Variants in TRAPPC9 observed in about 807,000 individuals in gnomAD.
TRAPPC9 encodes trafficking protein particle complex subunit 9.
A neutral mutation model predicts 124.0 loss-of-function variants in TRAPPC9; 83 were observed. That is an observed-to-expected ratio of 0.67 (90% CI 0.56 to 0.80). The LOEUF is 0.80. Among genes scored for constraint, TRAPPC9 ranks in the 30% least tolerant of loss-of-function variants. TRAPPC9 has a pLI of 0.00. For missense variants in TRAPPC9, 1,302 were observed against 1,508.3 expected (o/e 0.86, Z 2.27); for synonymous variants, 638 against 617.5 (o/e 1.03, Z -0.49).
intron 21 of TRAPPC9, among the ~76,000 whole-genome samples, chr8:139,809,471 G>A (rs1824287278): frequency 6.6e-6 from 1 of 152,246 alleles, no homozygotes. Flanking sequence ...AAATCACTGA[G>A]TGTGGATACG....
chr8:140,115,653 G>A (rs1445661632), intron 17 of TRAPPC9, among the ~76,000 whole-genome samples: 1 of 151,960 alleles, frequency 6.6e-6, no homozygotes, highest in African/African-American at 2.4e-5. Flanking sequence ...ATGTGGAACC[G>A]GCAGATGCAG....
At position 139,805,304 on chromosome 8, in the gene TRAPPC9, C is replaced by A. The variant is rs112066944; in HGVS notation, c.3056-73102G>T. On this transcript the variant is annotated intron_variant, in intron 21 of 22. Coordinates refer to ENST00000438773, the MANE Select transcript of TRAPPC9 (RefSeq NM_001160372.4). ...CCTCCTGCCTGGAAGTCTGAAAACT[C>A]CAGGCCATGCACAGGCATCCAGAGT... Among the ~76,000 whole-genome samples, 344 of 152,288 alleles carry A rather than the reference C, an allele frequency of 2.3e-3. 2 individuals are homozygous for A. Among genetic ancestry groups the A allele is most frequent in the African/African-American group, 7.6e-3 (314 of 41,564 alleles).
intron 15 of TRAPPC9, among the ~76,000 whole-genome samples, chr8:140,264,576 G>A (rs1212868419): frequency 1.4e-5 from 2 of 143,918 alleles, no homozygotes; most frequent in South Asian, 2.3e-4. Context: ...ACGGGGCGGG[G>A]GAAAGAAGAG....
rs534788136 is a variant in TRAPPC9 at position 139,850,939 on chromosome 8, A to G, written c.3055+34940T>C. The stretch of plus-strand genomic sequence containing the variant: ...GATGAGTAAGATATCCTCCATGCTC[A>G]AAAGAACTCTGTCTAAAAGAGATCA... On this transcript the variant is annotated intron_variant, in intron 21 of 22. Coordinates refer to ENST00000438773, the MANE Select transcript of TRAPPC9 (RefSeq NM_001160372.4). Among the ~76,000 whole-genome samples the G allele has an allele frequency of 2.0e-5, 3 of 152,332 alleles. No individual in the cohort carries two copies. In the South Asian group the frequency reaches 6.2e-4, roughly 32 times the overall value.
At position 140,056,026 on chromosome 8, in the gene TRAPPC9, G is replaced by A. The variant is rs79198337; in HGVS notation, c.2557-31947C>T. On this transcript the variant is annotated intron_variant, in intron 17 of 22. Transcript: ENST00000438773. The stretch of plus-strand genomic sequence containing the variant: ...TTCATATGGAACCATTATGAACCCA[G>A]AACAGCCAAAACCATCTTGAAAAAC... Among the ~76,000 whole-genome samples, 137 of 152,014 alleles carry A rather than the reference G, an allele frequency of 9.0e-4. 1 individual carries two copies. The highest frequency in any genetic ancestry group is 3.4e-3 in the Middle Eastern group (1 of 294).
At chr8:140,395,428 G>A (rs754689615) in intron 7 of TRAPPC9, among the ~76,000 whole-genome samples, 2 of 152,092 alleles carry the variant, frequency 1.3e-5, no homozygotes, top group African/African-American at 4.8e-5. Context: ...TAAACATCTC[G>A]TCAAGGGAAG....
At chr8:140,140,215 C>A (rs1276957515) in intron 17 of TRAPPC9, among the ~76,000 whole-genome samples, 1 of 152,172 alleles carries the variant, frequency 6.6e-6, no homozygotes, top group Non-Finnish European at 1.5e-5. Context: ...GCGGCTCTCT[C>A]CTTTGTCTTA....
In TRAPPC9 at chr8:140,104,218, C is replaced by T. The variant is rs903869001; in HGVS notation, c.2557-80139G>A. 9.9e-5 allele frequency among the ~76,000 whole-genome samples: 15 copies of T among 152,102 alleles called. No homozygotes were observed. The highest frequency in any genetic ancestry group is 3.3e-4 in the Admixed American group (5 of 15,274). On this transcript the variant is annotated intron_variant, in intron 17 of 22. Coordinates refer to ENST00000438773, the MANE Select transcript of TRAPPC9 (RefSeq NM_001160372.4). The surrounding 1 kb of genome is among the most constrained non-coding windows in gnomAD (Gnocchi z 4.0). ...GTGCTACACTGTATGCCAGGGCTGT[C>T]GGCTGTAAGCATAGAGCTATGGAGC... is the stretch of plus-strand genomic sequence containing the variant.
chr8:139,972,683 G>C (rs1836179538), intron 19 of TRAPPC9, among the ~76,000 whole-genome samples: 1 of 152,218 alleles, frequency 6.6e-6, no homozygotes, highest in Admixed American at 6.5e-5. Context: ...TGTGGCCAAA[G>C]TATGTTTTAT....
At chr8:139,983,430 T>C (rs996816691) in intron 19 of TRAPPC9, among the ~76,000 whole-genome samples, 1 of 151,184 alleles carries the variant, frequency 6.6e-6, no homozygotes, top group African/African-American at 2.4e-5. Flanking sequence ...CCCCCAGTCC[T>C]AGGCCCCCCT....
At chr8:140,310,081 T>C (rs761740753) in intron 10 of TRAPPC9, among the ~76,000 whole-genome samples, 1 of 152,256 alleles carries the variant, frequency 6.6e-6, no homozygotes, top group African/African-American at 2.4e-5. Flanking sequence ...TTGGCAGTAC[T>C]ATACTTGCCT....
At chr8:140,172,563 G>A (rs1263743745) in intron 17 of TRAPPC9, among the ~76,000 whole-genome samples, 1 of 152,028 alleles carries the variant, frequency 6.6e-6, no homozygotes, top group Non-Finnish European at 1.5e-5. Context: ...ACTACCTCTG[G>A]AGTTTACAAT....
chr8:139,909,938 G>C (rs557039424), intron 20 of TRAPPC9, among the ~76,000 whole-genome samples: 3 of 152,118 alleles, frequency 2.0e-5, no homozygotes, highest in African/African-American at 7.2e-5. Flanking sequence ...ACCTTTCCTC[G>C]CCCCCAATCA....
rs1825527882 is a variant in TRAPPC9, at chr8:139,825,050, A to G, written c.3055+60829T>C. Among the ~76,000 whole-genome samples, 1 of 152,142 alleles carries G rather than the reference A, an allele frequency of 6.6e-6. No homozygotes were observed. Among genetic ancestry groups the G allele is most frequent in the Admixed American group, 6.5e-5 (1 of 15,280 alleles). On this transcript the variant is annotated intron_variant, in intron 21 of 22. Coordinates refer to ENST00000438773, the MANE Select transcript of TRAPPC9 (RefSeq NM_001160372.4). The surrounding 1 kb of genome is among the most constrained non-coding windows in gnomAD (Gnocchi z 4.6). ...TCACAGAGCGCCAAAAGGACCTCTC[A>G]TTCCACAGAGAACACTCAGGGGTGG...
chr8:140,443,158 A>T (rs1441546933), intron 2 of TRAPPC9, among the ~76,000 whole-genome samples: 1 of 129,842 alleles, frequency 7.7e-6, no homozygotes, highest in Non-Finnish European at 1.6e-5. Context: ...AAAAAAAGCC[A>T]GGCGCGGTGG....
chr8:140,397,598 T>C (rs916488945), intron 7 of TRAPPC9, 22 bp downstream of exon 7: 4 of 1,613,546 alleles, frequency 2.5e-6, no homozygotes, highest in Non-Finnish European at 3.4e-6. Flanking sequence ...ACTCTTCCAC[T>C]TACAGGTAGA....
intron 21 of TRAPPC9, among the ~76,000 whole-genome samples, chr8:139,737,458 A>C (rs1818258089): frequency 1.1e-4 from 6 of 53,146 alleles, no homozygotes; most frequent in South Asian, 6.9e-4. Context: ...GGCGGGGGTC[A>C]TCAGCCCTCC....
intron 18 of TRAPPC9, among the ~76,000 whole-genome samples, chr8:140,021,528 A>AT (rs1235410393): frequency 1.2e-4 from 18 of 152,184 alleles, no homozygotes; most frequent in Admixed American, 1.2e-3. Flanking sequence ...TTATTCACTT[A>AT]TTTACTATTT....
At chr8:139,982,310 G>A (rs1430454373) in intron 19 of TRAPPC9, among the ~76,000 whole-genome samples, 2 of 152,160 alleles carry the variant, frequency 1.3e-5, no homozygotes, top group Non-Finnish European at 1.5e-5. Flanking sequence ...GGCGGGCGGT[G>A]GAGAACAGGT....
Sources: allele counts gnomAD v4.1 joint callset (sites outside exome capture counted in the v4.1 genomes callset), GRCh38; gene constraint gnomAD v4.1.1; non-coding constraint Gnocchi (gnomAD v3.1); transcripts MANE v1.5; gene names NCBI Gene and HGNC (gene_info 2026-07-23, HGNC 2026-07-21).